KIF6: variants seen among roughly 807,000 people sequenced by gnomAD.
The protein encoded by KIF6 is kinesin-like protein KIF6.
In KIF6, 106 loss-of-function variants were observed where a neutral mutation model predicts 112.7. That is an observed-to-expected ratio of 0.94 (90% CI 0.80 to 1.11). The LOEUF is 1.11. Ranked by LOEUF, KIF6 falls within the 50% of genes least tolerant of loss-of-function variation. KIF6 has a pLI of 0.00. For missense variants in KIF6, 929 were observed against 964.0 expected (o/e 0.96, Z 0.48); for synonymous variants, 339 against 339.9 (o/e 1.00, Z 0.03).
At chr6:39,415,854 T>TG (rs1769881762) in intron 15 of KIF6, among the ~76,000 whole-genome samples, 1 of 152,006 alleles carries the variant, frequency 6.6e-6, no homozygotes, top group Non-Finnish European at 1.5e-5. Context: ...AATGGTGGGT[T>TG]GGGGGGTTCT....
chr6:39,694,440 C>G (rs900296520), intron 3 of KIF6, among the ~76,000 whole-genome samples: 6 of 152,170 alleles, frequency 3.9e-5, no homozygotes, highest in Non-Finnish European at 7.4e-5. Flanking sequence ...CCGAAAGTCT[C>G]CTAGACCTGA....
chr6:39,669,610 GT>G (rs1206929483), intron 3 of KIF6, among the ~76,000 whole-genome samples: 6 of 152,224 alleles, frequency 3.9e-5, no homozygotes, highest in Non-Finnish European at 8.8e-5. Context: ...AAACTCTCAG[GT>G]TTTTTCTGTC....
intron 15 of KIF6, among the ~76,000 whole-genome samples, chr6:39,409,930 C>T (rs1269499751): frequency 1.3e-5 from 2 of 152,234 alleles, no homozygotes; most frequent in Non-Finnish European, 2.9e-5. Flanking sequence ...AATGTTCATC[C>T]TTCTAATCAA....
intron 13 of KIF6, among the ~76,000 whole-genome samples, chr6:39,483,250 G>A (rs370604664): frequency 2.6e-5 from 4 of 152,200 alleles, no homozygotes; most frequent in South Asian, 4.1e-4. Flanking sequence ...AATAAGTAGG[G>A]CACTATTTGT....
chr6:39,637,776 G>A (rs1784700561), intron 4 of KIF6, among the ~76,000 whole-genome samples: 3 of 151,946 alleles, frequency 2.0e-5, no homozygotes, highest in Admixed American at 2.0e-4. Context: ...TATAATGAAT[G>A]TGTTATGCCC....
intron 3 of KIF6, among the ~76,000 whole-genome samples, chr6:39,677,455 A>T (rs181197748): frequency 1.3e-5 from 2 of 152,132 alleles, no homozygotes; most frequent in African/African-American, 4.8e-5. Flanking sequence ...CCAAATGGAT[A>T]AACGTGGAAT....
intron 10 of KIF6, among the ~76,000 whole-genome samples, chr6:39,577,039 A>G (rs1053299240): frequency 9.2e-5 from 14 of 152,238 alleles, no homozygotes; most frequent in African/African-American, 2.7e-4. Context: ...AAGAAATGAC[A>G]TAAAACTTTT....
At chr6:39,571,553 T>C (rs964177553) in intron 10 of KIF6, among the ~76,000 whole-genome samples, 37 of 152,204 alleles carry the variant, frequency 2.4e-4, no homozygotes, top group African/African-American at 8.7e-4. Context: ...ATTTTGTTTA[T>C]TCCCATATTT....
chr6:39,517,650 T>C (rs1487480942), intron 13 of KIF6, among the ~76,000 whole-genome samples: 2 of 152,220 alleles, frequency 1.3e-5, no homozygotes, highest in Non-Finnish European at 2.9e-5. Context: ...AATTGATTAT[T>C]TCACACTGCA....
At chr6:39,692,749 T>C (rs988055821) in intron 3 of KIF6, among the ~76,000 whole-genome samples, 9 of 152,224 alleles carry the variant, frequency 5.9e-5, no homozygotes, top group African/African-American at 2.2e-4. Context: ...TACTGATGGT[T>C]AATTAATAAA....
chr6:39,585,323 C>G (rs1781564514), intron 8 of KIF6, among the ~76,000 whole-genome samples: 1 of 152,106 alleles, frequency 6.6e-6, no homozygotes, highest in East Asian at 1.9e-4. Context: ...ATGTGCAGTT[C>G]ACAATTGGGT....
At chr6:39,590,190 A>G (rs1215764445) in intron 7 of KIF6, among the ~76,000 whole-genome samples, 1 of 152,148 alleles carries the variant, frequency 6.6e-6, no homozygotes, top group Non-Finnish European at 1.5e-5. Flanking sequence ...GTGTGCCCAA[A>G]TACCCAAACA....
intron 6 of KIF6, among the ~76,000 whole-genome samples, chr6:39,606,192 C>T (rs1229414591): frequency 6.6e-6 from 1 of 151,778 alleles, no homozygotes; most frequent in East Asian, 1.9e-4. Flanking sequence ...CTTCTAATGG[C>T]ACTTTAATCT....
intron 13 of KIF6, among the ~76,000 whole-genome samples, chr6:39,477,446 T>C (rs952627262): frequency 4.3e-4 from 66 of 152,148 alleles, no homozygotes; most frequent in African/African-American, 1.6e-3. Flanking sequence ...CAGCAAAAGA[T>C]TGTTAAAAAA....
chr6:39,672,138 G>A (rs1044684115), intron 3 of KIF6, among the ~76,000 whole-genome samples: 7 of 152,136 alleles, frequency 4.6e-5, no homozygotes, highest in South Asian at 2.1e-4. Context: ...CCAGAAATAC[G>A]GTGTAGGAAG....
At chr6:39,365,934 C>T (rs923447373) in intron 16 of KIF6, among the ~76,000 whole-genome samples, 11 of 152,312 alleles carry the variant, frequency 7.2e-5, no homozygotes, top group South Asian at 2.1e-4. Context: ...ACGGCCAGGG[C>T]GGCCTGCTTT....
chr6:39,464,095 G>T (rs918908834), intron 13 of KIF6, among the ~76,000 whole-genome samples: 10 of 152,280 alleles, frequency 6.6e-5, no homozygotes, highest in African/African-American at 2.2e-4. Flanking sequence ...CAGGATGGGT[G>T]GTGGGACCAA....
In KIF6 at chr6:39,366,488, C is replaced by T. The variant is rs188921171; in HGVS notation, c.1862-3970G>A. On this transcript the variant is annotated intron_variant, in intron 16 of 22. Coordinates refer to ENST00000287152, the MANE Select transcript of KIF6 (RefSeq NM_145027.6). The stretch of plus-strand genomic sequence containing the variant: ...GAGTCTGCAACATCATGCTGGGGAT[C>T]GGAAGGTGCTATGAGGAAAGACAAA... Among the ~76,000 whole-genome samples, 139 of 152,162 alleles carry T rather than the reference C, an allele frequency of 9.1e-4. 2 individuals are homozygous for T. The highest frequency in any genetic ancestry group is 2.7e-3 in the African/African-American group (112 of 41,506).
At chr6:39,433,355 G>A (rs1367574071) in intron 13 of KIF6, among the ~76,000 whole-genome samples, 2 of 152,200 alleles carry the variant, frequency 1.3e-5, no homozygotes, top group Non-Finnish European at 1.5e-5. Flanking sequence ...CGTTGTGTAC[G>A]GTCTTGAAGG....
Sources: allele counts gnomAD v4.1 joint callset (sites outside exome capture counted in the v4.1 genomes callset), GRCh38; gene constraint gnomAD v4.1.1; transcripts MANE v1.5; gene names NCBI Gene and HGNC (gene_info 2026-07-23, HGNC 2026-07-21).